MYO3A: variants seen among roughly 807,000 people sequenced by gnomAD.
MYO3A encodes myosin IIIA.
Under a neutral mutation model 192.7 loss-of-function variants are expected in MYO3A, and 180 were observed. That is an observed-to-expected ratio of 0.93 (90% CI 0.83 to 1.06). The LOEUF (loss-of-function observed/expected upper bound fraction) is 1.06. Ranked by LOEUF, MYO3A falls within the 50% of genes least tolerant of loss-of-function variation. The pLI, the probability that MYO3A is intolerant of heterozygous loss-of-function variation, is 0.00. For missense variants in MYO3A, 1,896 were observed against 1,905.0 expected (o/e 1.00, Z 0.09); for synonymous variants, 628 against 645.3 (o/e 0.97, Z 0.41).
intron 10 of MYO3A, among the ~76,000 whole-genome samples, chr10:26,052,328 A>G (rs2131294083): frequency 6.6e-6 from 1 of 152,312 alleles, no homozygotes; most frequent in South Asian, 2.1e-4. Context: ...GTAAATGTGA[A>G]AGAGAAAAGT....
At chr10:26,182,999 C>T (rs971590264) in intron 31 of MYO3A, among the ~76,000 whole-genome samples, 4 of 152,116 alleles carry the variant, frequency 2.6e-5, no homozygotes, top group Admixed American at 6.5e-5. Flanking sequence ...TAGAACAAAA[C>T]GAACTGGCTT....
intron 18 of MYO3A, among the ~76,000 whole-genome samples, 197 bp from the exon 19 acceptor site, chr10:26,125,201 A>T (rs1053416818): frequency 2.6e-5 from 4 of 152,226 alleles, no homozygotes; most frequent in African/African-American, 9.6e-5. Context: ...CCTAAGTTTA[A>T]CCAGCTGAGA....
intron 23 of MYO3A, 21 bp from the exon 24 acceptor site, chr10:26,153,829 C>T (rs775730717): frequency 3.4e-6 from 5 of 1,461,460 alleles, no homozygotes; most frequent in Non-Finnish European, 4.8e-6. Context: ...AGGTATATTA[C>T]ATTTTTCTAC....
At chr10:26,111,028 C>T (rs998009493) in intron 17 of MYO3A, among the ~76,000 whole-genome samples, 1 of 151,826 alleles carries the variant, frequency 6.6e-6, no homozygotes, top group Non-Finnish European at 1.5e-5. Flanking sequence ...CCATGCCCAG[C>T]TAACTTTTTA....
Position 26,129,929 on chromosome 10 carries a change from A to G in MYO3A, c.2262+1391A>G, listed in dbSNP as rs372461094. Among the ~76,000 whole-genome samples, 331 of 152,326 alleles carry G rather than the reference A, an allele frequency of 2.2e-3. 12 individuals carry two copies. The South Asian group carries it at 0.065, about 30-fold the overall frequency. On this transcript the variant is annotated intron_variant, in intron 20 of 34. Coordinates refer to ENST00000642920, the MANE Select transcript of MYO3A (RefSeq NM_017433.5). Reference sequence around the variant, plus strand: ...TTTGATATGATCTATCAGAATTGCTAACTTTATGGGACCAGGTGTATCCCC... The same window carrying G: ...TTTGATATGATCTATCAGAATTGCTGACTTTATGGGACCAGGTGTATCCCC...
Position 26,026,432 on chromosome 10 carries a change from A to T in MYO3A, c.853A>T (p.Lys285Ter). 1 of 1,614,166 alleles carries T rather than the reference A, an allele frequency of 6.2e-7. No individual in the cohort carries two copies. Among genetic ancestry groups the T allele is most frequent in the Non-Finnish European group, 8.5e-7 (1 of 1,179,996 alleles). Residue 285 changes from lysine to a stop codon, truncating the protein, a stop_gained, in exon 10 of 35, where the codon AAA becomes TAA. Coordinates refer to ENST00000642920, the MANE Select transcript of MYO3A (RefSeq NM_017433.5). LOFTEE classifies it high-confidence loss of function. ...RPTVSELLQH[K>*]FITQIEGKDV... The stretch of plus-strand genomic sequence containing the variant: ...AACAGTGTCAGAACTTTTACAGCAT[A>T]AATTCATTACTCAAATTGAGGGCAA...
At chr10:25,955,582 A>C (rs999128717) in intron 4 of MYO3A, among the ~76,000 whole-genome samples, 2 of 152,146 alleles carry the variant, frequency 1.3e-5, no homozygotes, top group Non-Finnish European at 2.9e-5. Context: ...TTTTTCTTAC[A>C]CTTAAGCAAT....
intron 34 of MYO3A, among the ~76,000 whole-genome samples, chr10:26,206,222 G>A (rs970390922): frequency 1.3e-4 from 19 of 150,334 alleles, no homozygotes; most frequent in Admixed American, 1.0e-3. Flanking sequence ...CACTCTGCCC[G>A]GCTAATTTTT....
intron 10 of MYO3A, among the ~76,000 whole-genome samples, chr10:26,036,037 C>T (rs1200733573): frequency 6.6e-6 from 1 of 151,968 alleles, no homozygotes; most frequent in Non-Finnish European, 1.5e-5. Flanking sequence ...GGGTTCACAC[C>T]ATTCTCCTGC....
rs760501889 is a variant in MYO3A, at chr10:26,024,106, T to C, written c.797+19T>C. The C allele has an allele frequency of 6.3e-7, 1 of 1,597,782 alleles. No individual in the cohort carries two copies. Among genetic ancestry groups the C allele is most frequent in the Admixed American group, 1.7e-5 (1 of 59,954 alleles). ...TAAGCAAGTGAGTAAAAACAGTCTT[T>C]TAAAAAACCAAAGATATTCCCTCCT... On this transcript the variant is annotated intron_variant, in intron 9 of 34. Coordinates refer to ENST00000642920, the MANE Select transcript of MYO3A (RefSeq NM_017433.5).
intron 10 of MYO3A, among the ~76,000 whole-genome samples, chr10:26,064,426 G>T (rs994202422): frequency 6.6e-6 from 1 of 152,134 alleles, no homozygotes; most frequent in Non-Finnish European, 1.5e-5. Flanking sequence ...AAATAATAGG[G>T]GTATTGAGGG....
intron 14 of MYO3A, among the ~76,000 whole-genome samples, chr10:26,082,826 T>C (rs1043810627): frequency 1.3e-5 from 2 of 151,998 alleles, no homozygotes; most frequent in African/African-American, 2.4e-5. Context: ...GCTGACTTCT[T>C]TGTATAGGCT....
chr10:26,206,551 T>A (rs1843960175), intron 34 of MYO3A, among the ~76,000 whole-genome samples: 1 of 151,454 alleles, frequency 6.6e-6, no homozygotes, highest in Non-Finnish European at 1.5e-5. Flanking sequence ...CAGGTTCAAG[T>A]GATTCTCCTG....
intron 17 of MYO3A, among the ~76,000 whole-genome samples, chr10:26,119,496 T>C (rs1312669868): frequency 6.6e-6 from 1 of 152,224 alleles, no homozygotes; most frequent in Non-Finnish European, 1.5e-5. Flanking sequence ...ATTTATTACA[T>C]ATATATGTAT....
intron 10 of MYO3A, among the ~76,000 whole-genome samples, chr10:26,028,191 A>T (rs1842644926): frequency 6.6e-6 from 1 of 152,250 alleles, no homozygotes; most frequent in African/African-American, 2.4e-5. Flanking sequence ...ATATTTTATG[A>T]TAACCCATTT....
intron 10 of MYO3A, among the ~76,000 whole-genome samples, chr10:26,046,012 G>A (rs1406801807): frequency 2.0e-5 from 3 of 148,602 alleles, no homozygotes; most frequent in Non-Finnish European, 4.5e-5. Context: ...CTTCCCACAT[G>A]CCTTGCCCTA....
At chr10:26,075,369 C>T (rs1835465590) in intron 14 of MYO3A, among the ~76,000 whole-genome samples, 1 of 150,894 alleles carries the variant, frequency 6.6e-6, no homozygotes, top group Admixed American at 6.6e-5. Context: ...TTTTGGTGCA[C>T]CCATCACCCA....
intron 29 of MYO3A, among the ~76,000 whole-genome samples, chr10:26,171,923 G>T (rs756689741): frequency 6.6e-6 from 1 of 152,090 alleles, no homozygotes; most frequent in South Asian, 2.1e-4. Flanking sequence ...AGGATACCAG[G>T]GATTAGCTTT....
At chr10:26,078,917 T>G (rs569276124) in intron 14 of MYO3A, among the ~76,000 whole-genome samples, 12 of 152,172 alleles carry the variant, frequency 7.9e-5, no homozygotes, top group Non-Finnish European at 1.3e-4. Flanking sequence ...TTGAAGCTCG[T>G]TTTATAGCCT....
Sources: gnomAD v4.1 joint callset for allele counts (sites outside exome capture counted in the v4.1 genomes callset) on GRCh38, gnomAD v4.1.1 for gene constraint, MANE v1.5 for transcripts, NCBI Gene and HGNC (gene_info 2026-07-23, HGNC 2026-07-21) for gene names.